The following KEL variants were observed in gnomAD, a reference collection of about 807,000 sequenced individuals.
KEL encodes the protein kell blood group glycoprotein.
A neutral mutation model predicts 99.5 loss-of-function variants in KEL; 96 were observed. The ratio of observed to expected loss-of-function variants is 0.97; its 90% CI spans 0.82 to 1.14. KEL has a LOEUF of 1.14. KEL is among the 50% of genes most tolerant of loss of function. The probability of loss-of-function intolerance (pLI) is 0.00; values close to 1 mark genes in which losing one functional copy is unlikely to be tolerated. For synonymous variants in KEL, 355 were observed against 354.8 expected (o/e 1.00, Z -0.01); for missense variants, 926 against 924.2 (o/e 1.00, Z -0.03).
In KEL at chr7:142,954,243, G is replaced by T. The variant is rs1796768993; in HGVS notation, c.865C>A (p.Leu289Met). Reference protein sequence around the residue: ...TSRLFQFLRPLEQRRAQGKLF... With the variant: ...TSRLFQFLRPMEQRRAQGKLF... ...TTGCCCTGTGCCCGCCGCTGCTCCA[G>T]GGGCCTCAGAAACTGGAACAGCCGT... Residue 289 changes from leucine (L) to methionine (M), a missense_variant, in exon 8 of 19, where the codon CTG (leucine) becomes ATG (methionine). Coordinates refer to ENST00000355265, the MANE Select transcript of KEL (RefSeq NM_000420.3). The T allele has an allele frequency of 6.2e-7, 1 of 1,613,890 alleles. No homozygotes were observed. Among genetic ancestry groups the T allele is most frequent in the Non-Finnish European group, 8.5e-7 (1 of 1,180,014 alleles).
chr7:142,954,152 C>A (rs767070770), intron 8 of KEL, 32 bp downstream of exon 8: 9 of 1,595,650 alleles, frequency 5.6e-6, no homozygotes, highest in Non-Finnish European at 7.7e-6. Context: ...GATCCCCATG[C>A]CCACAGTCTT....
chr7:142,946,120 T>G (rs531357946), intron 11 of KEL, 87 bp downstream of exon 11: 40 of 961,208 alleles, frequency 4.2e-5, no homozygotes, highest in Middle Eastern at 4.2e-4. Flanking sequence ...CACACACCAC[T>G]GAGAAAGTCA....
chr7:142,942,166 TCTC>T (rs960516791), intron 18 of KEL: 3 of 540,222 alleles, frequency 5.6e-6, no homozygotes, highest in African/African-American at 1.9e-5. Flanking sequence ...AAAAAGTTGG[TCTC>T]CTCCTCTCCT....
At position 142,953,822 on chromosome 7, in the gene KEL, C is replaced by T; in HGVS notation, c.1059G>A (p.Met353Ile). Residue 353 changes from methionine to isoleucine, a missense_variant, in exon 9 of 19, where the codon ATG (methionine) becomes ATA (isoleucine). Met to Ile is a conservative substitution (Grantham distance 10). Transcript: ENST00000355265. ...CTGCGGCGAACCTCTGCTTTAGCAG[C>T]ATCTCCTCCACCAGTTGTGACATGT... ...LKNMSQLVEEMLLKQRDFLQS... is the reference protein window; with the variant it reads ...LKNMSQLVEEILLKQRDFLQS... 1.2e-6 allele frequency: 2 copies of T among 1,614,184 alleles called. No homozygotes were observed. The highest frequency in any genetic ancestry group is 3.3e-5 in the Admixed American group (2 of 60,026).
chr7:142,950,631 C>G (rs1260077974), intron 10 of KEL, among the ~76,000 whole-genome samples: 1 of 152,254 alleles, frequency 6.6e-6, no homozygotes, highest in African/African-American at 2.4e-5. Context: ...TATCTGCTGT[C>G]TCAACCAGGA....
intron 10 of KEL, 98 bp downstream of exon 10, chr7:142,952,411 C>G: frequency 1.4e-6 from 2 of 1,470,844 alleles, no homozygotes; most frequent in Non-Finnish European, 9.5e-7. Context: ...TCTACCATCA[C>G]GGCCCCCTCC....
chr7:142,960,720 A>C (rs1232123513), intron 4 of KEL, among the ~76,000 whole-genome samples: 1 of 152,140 alleles, frequency 6.6e-6, no homozygotes, highest in Admixed American at 6.5e-5. Context: ...AGGCAACAGG[A>C]AACAGTGAGA....
rs369331299 is a variant in KEL at position 142,942,996 on chromosome 7, G to A, written c.1820C>T (p.Ala607Val). Residue 607 changes from alanine (A) to valine (V), a missense_variant, in exon 17 of 19, where the codon GCT becomes GTT. Transcript: ENST00000355265. ...LACDNHALQE[A>V]HLCLKRHYAA... is the part of the protein sequence containing the mutation. ...ATAATGGCGCTTCAGGCACAGGTGA[G>A]CTTCCTGGAGGGCATGGTTGTCACA... 9.3e-6 allele frequency: 15 copies of A among 1,614,086 alleles called. No individual in the cohort carries two copies. Among genetic ancestry groups the A allele is most frequent in the African/African-American group, 4.0e-5 (3 of 74,920 alleles).
chr7:142,942,358 G>T, intron 18 of KEL, 76 bp downstream of exon 18: 1 of 966,302 alleles, frequency 1.0e-6, no homozygotes. Context: ...TCTGAAGAGG[G>T]GACTTCCATG....
chr7:142,958,006 G>A, intron 5 of KEL, 33 bp from the exon 6 acceptor site: 1 of 1,607,044 alleles, frequency 6.2e-7, no homozygotes. Flanking sequence ...TGAGCATAAG[G>A]ATCCGTGGAG....
intron 10 of KEL, 50 bp downstream of exon 10, chr7:142,952,459 T>A (rs946433122): frequency 6.2e-7 from 1 of 1,603,480 alleles, no homozygotes; most frequent in African/African-American, 1.3e-5. Context: ...CTCAAAAGAG[T>A]AGATACTCCT....
Position 142,943,817 on chromosome 7 carries a change from C to A in KEL, c.1558G>T (p.Val520Phe). The stretch of plus-strand genomic sequence containing the variant: ...GGGTGAGGCTGCAAGAAGCTCTGGA[C>A]AATTCTAGCTCGGAGGGACCGGACA... Reference protein sequence around the residue: ...SCVRSLRARIVQSFLQPHPQH... With the variant: ...SCVRSLRARIFQSFLQPHPQH... The change falls in exon 14 of 19, where the codon GTC (valine) becomes TTC (phenylalanine). Residue 520 changes from valine (V) to phenylalanine (F), a missense_variant. Physicochemically the swap from Val to Phe is conservative, Grantham distance 50 (BLOSUM62 -1). Coordinates refer to ENST00000355265, the MANE Select transcript of KEL (RefSeq NM_000420.3). The A allele has an allele frequency of 6.2e-7, 1 of 1,614,172 alleles. No homozygotes were observed. Among genetic ancestry groups the A allele is most frequent in the Non-Finnish European group, 8.5e-7 (1 of 1,180,024 alleles).
At chr7:142,955,430 G>GA (rs1796805936) in intron 6 of KEL, among the ~76,000 whole-genome samples, 2 of 151,756 alleles carry the variant, frequency 1.3e-5, no homozygotes, top group African/African-American at 2.4e-5. Flanking sequence ...CATTTTTTGG[G>GA]AAAAAAAGCA....
chr7:142,961,524 AAAGATAC>A (rs756773975), intron 2 of KEL, 23 bp from the exon 3 acceptor site: 7 of 1,578,836 alleles, frequency 4.4e-6, no homozygotes, highest in Non-Finnish European at 6.0e-6. Flanking sequence ...CCAAGAGGTG[AAAGATAC>A]AAGATGGGGG....
In KEL at chr7:142,961,083, C is replaced by A. The variant is rs1210393865; in HGVS notation, c.245G>T (p.Cys82Phe). 1.2e-6 allele frequency: 2 copies of A among 1,613,964 alleles called. No individual in the cohort carries two copies. Among genetic ancestry groups the A allele is most frequent in the African/African-American group, 2.7e-5 (2 of 74,930 alleles). Reference sequence around the variant, plus strand: ...CAGGTAATGATCCCGGAGATCCAAACACACAGATGTCTCACAGGGGCCTGT... The same window carrying A: ...CAGGTAATGATCCCGGAGATCCAAAAACACAGATGTCTCACAGGGGCCTGT... ...CGPRPCETSV[C>F]LDLRDHYLAS... Residue 82 changes from cysteine (C) to phenylalanine (F), a missense_variant, in exon 4 of 19, where the codon TGT (cysteine) becomes TTT (phenylalanine). Coordinates refer to ENST00000355265, the MANE Select transcript of KEL (RefSeq NM_000420.3).
Position 142,957,409 on chromosome 7 carries a change from T to C in KEL, c.672+418A>G, listed in dbSNP as rs548155864. ...CAAAGCTTTACTAAAGATTAGGGACTAGATTCTGATGACCTGGCAAGCCAC... is the reference window on the plus strand; with the variant it reads ...CAAAGCTTTACTAAAGATTAGGGACCAGATTCTGATGACCTGGCAAGCCAC... On this transcript the variant is annotated intron_variant, in intron 6 of 18. Coordinates refer to ENST00000355265, the MANE Select transcript of KEL (RefSeq NM_000420.3). Among the ~76,000 whole-genome samples the C allele has an allele frequency of 7.2e-4, 110 of 152,268 alleles. 1 individual carries two copies. The highest frequency in any genetic ancestry group is 2.6e-3 in the African/African-American group (108 of 41,532).
Position 142,958,448 on chromosome 7 carries a change from GTGAGGACTAAACTC to G in KEL, c.401-34_401-21del, listed in dbSNP as rs759489781. The G allele has an allele frequency of 2.5e-6, 4 of 1,613,132 alleles. No individual in the cohort carries two copies. In the Admixed American group the frequency reaches 6.7e-5, roughly 27 times the overall value. On this transcript the variant is annotated intron_variant, in intron 4 of 18. Transcript: ENST00000355265. ...GGACCTCTAGAAAGGAAGCATGGGA[GTGAGGACTAAACTC>G]TGATTTTTTTTATCTTGCCCCAAAT...
At chr7:142,961,305 G>A (rs1796952033) in intron 3 of KEL, 55 bp downstream of exon 3, 2 of 1,608,768 alleles carry the variant, frequency 1.2e-6, no homozygotes, top group African/African-American at 1.3e-5. Context: ...ACTGGGCCTG[G>A]GCCCCAGGGC....
At position 142,962,082 on chromosome 7, in the gene KEL, T is replaced by G. The variant is rs146455661; in HGVS notation, c.3+122A>C. ...CTCGATCCCTCTCCCATTACCTCCC[T>G]CTCTCCCCACCTTTCTACTCTGTAA... On this transcript the variant is annotated intron_variant, in intron 1 of 18. Coordinates refer to ENST00000355265, the MANE Select transcript of KEL (RefSeq NM_000420.3). The G allele has an allele frequency of 1.5e-3, 2,368 of 1,612,946 alleles. 26 individuals carry two copies. In the East Asian group the frequency reaches 0.021, roughly 14 times the overall value.
Sources: allele counts gnomAD v4.1 joint callset (sites outside exome capture counted in the v4.1 genomes callset), GRCh38; gene constraint gnomAD v4.1.1; transcripts MANE v1.5; gene names NCBI Gene and HGNC (gene_info 2026-07-23, HGNC 2026-07-21).